The following SMIM36 variants were observed in gnomAD, a reference collection of about 807,000 sequenced individuals.
SMIM36 encodes the protein small integral membrane protein 36.
At chr17:55,482,587 A>G (rs886793521) in intron 1 of SMIM36, among the ~76,000 whole-genome samples, 10 of 152,238 alleles carry the variant, frequency 6.6e-5, no homozygotes, top group African/African-American at 1.9e-4. Context: ...TGTGTCTTCA[A>G]TAGCACCTGG....
At chr17:55,459,180 C>T (rs1909090696) in intron 4 of SMIM36, among the ~76,000 whole-genome samples, 1 of 152,208 alleles carries the variant, frequency 6.6e-6, no homozygotes, top group South Asian at 2.1e-4. Flanking sequence ...GCCCCACCCC[C>T]ATCACACGCC....
At chr17:55,451,746 A>C (rs1908921868) in intron 4 of SMIM36, among the ~76,000 whole-genome samples, 1 of 152,148 alleles carries the variant, frequency 6.6e-6, no homozygotes, top group African/African-American at 2.4e-5. Flanking sequence ...AAAAGATTTA[A>C]GACTCTTTCT....
At chr17:55,455,547 T>C (rs916797948) in intron 4 of SMIM36, among the ~76,000 whole-genome samples, 1 of 152,162 alleles carries the variant, frequency 6.6e-6, no homozygotes, top group African/African-American at 2.4e-5. Context: ...CTCAGCAACT[T>C]GGGAGGCCAA....
intron 4 of SMIM36, among the ~76,000 whole-genome samples, chr17:55,451,889 G>C (rs536467997): frequency 2.6e-5 from 4 of 152,154 alleles, no homozygotes; most frequent in African/African-American, 9.6e-5. Flanking sequence ...TTGAGGCCAG[G>C]AGTTCGAGAC....
At chr17:55,512,903 T>C (rs1331534945), upstream of SMIM36, among the ~76,000 whole-genome samples, 1 of 152,250 alleles carries the variant, frequency 6.6e-6, no homozygotes, top group African/African-American at 2.4e-5. Context: ...AGTGTCTTCC[T>C]GTCAGCCTCC....
chr17:55,466,392 G>C (rs1461650601), intron 4 of SMIM36, among the ~76,000 whole-genome samples: 3 of 151,968 alleles, frequency 2.0e-5, no homozygotes, highest in African/African-American at 7.3e-5. Flanking sequence ...TGAGAAGTTA[G>C]GGCCAGCGTA....
intron 1 of SMIM36, among the ~76,000 whole-genome samples, chr17:55,498,133 T>A (rs888344920): frequency 6.6e-6 from 1 of 152,194 alleles, no homozygotes; most frequent in Non-Finnish European, 1.5e-5. Flanking sequence ...CCATTCTTCA[T>A]ATGCATGTAT....
intron 2 of SMIM36, among the ~76,000 whole-genome samples, chr17:55,479,150 A>G (rs1232651120): frequency 1.3e-5 from 2 of 152,222 alleles, no homozygotes; most frequent in Non-Finnish European, 2.9e-5. Flanking sequence ...TGGTGTATGC[A>G]AAGTGTCTAG....
At chr17:55,507,742 G>GA (rs1159058317) in intron 1 of SMIM36, among the ~76,000 whole-genome samples, 6 of 147,262 alleles carry the variant, frequency 4.1e-5, no homozygotes, top group African/African-American at 7.5e-5. Flanking sequence ...AAAAAAAAAA[G>GA]AAAAAAAAAG....
rs1567871097 is a variant in SMIM36, at chr17:55,501,340, T to TATATTCTATAATAGATAATATATA, written c.*174+9538_*174+9539insTATATATTATCTATTATAGAATAT. 2.2e-3 allele frequency among the ~76,000 whole-genome samples: 109 copies of TATATTCTATAATAGATAATATATA among 50,322 alleles called. 12 individuals are homozygous for TATATTCTATAATAGATAATATATA. Among genetic ancestry groups the TATATTCTATAATAGATAATATATA allele is most frequent in the African/African-American group, 6.8e-3 (106 of 15,496 alleles). 33.0% of individuals were successfully genotyped at this position (50,322 alleles called of 152,430 possible). ...TTATATTTTATAATATATAATATATTATATATTATATTTTATAATATATAA... is the reference window on the plus strand; with the variant it reads ...TTATATTTTATAATATATAATATATTATATTCTATAATAGATAATATATAATATATTATATTTTATAATATATAA... On this transcript the variant is annotated intron_variant, in intron 1 of 4. Coordinates refer to ENST00000636752, the Ensembl canonical transcript of SMIM36.
upstream of SMIM36, among the ~76,000 whole-genome samples, chr17:55,513,863 T>C (rs905280233): frequency 6.6e-6 from 1 of 152,240 alleles, no homozygotes; most frequent in Non-Finnish European, 1.5e-5. Context: ...TAATCATTAA[T>C]CATGGTGAGT....
At chr17:55,462,413 C>A (rs1305840683) in intron 4 of SMIM36, among the ~76,000 whole-genome samples, 1 of 152,068 alleles carries the variant, frequency 6.6e-6, no homozygotes. Flanking sequence ...GAATTCAAGA[C>A]CAGCCTTAGC....
intron 4 of SMIM36, among the ~76,000 whole-genome samples, chr17:55,463,276 G>A (rs974418381): frequency 7.9e-5 from 12 of 152,004 alleles, no homozygotes; most frequent in African/African-American, 2.7e-4. Context: ...TAATAAGGCC[G>A]GACACGGTGG....
At chr17:55,512,111 TGTGGGTCAAAAAA>T (rs1910191876), upstream of SMIM36, among the ~76,000 whole-genome samples, 1 of 152,162 alleles carries the variant, frequency 6.6e-6, no homozygotes, top group African/African-American at 2.4e-5. Flanking sequence ...CGTGTCCCAG[TGTGGGTCAAAAAA>T]GCTTCCATGC....
intron 1 of SMIM36, among the ~76,000 whole-genome samples, chr17:55,509,208 C>G (rs1352099508): frequency 2.0e-5 from 3 of 152,304 alleles, no homozygotes; most frequent in South Asian, 4.1e-4. Context: ...CCCTCCTCTT[C>G]AGTTTTCTAC....
chr17:55,499,666 A>T (rs1322886063), intron 1 of SMIM36, among the ~76,000 whole-genome samples: 1 of 152,186 alleles, frequency 6.6e-6, no homozygotes, highest in Non-Finnish European at 1.5e-5. Flanking sequence ...TTGCTTTAAT[A>T]CAAATGTGCA....
intron 4 of SMIM36, among the ~76,000 whole-genome samples, chr17:55,455,476 G>A (rs570526686): frequency 2.0e-5 from 3 of 151,144 alleles, no homozygotes; most frequent in South Asian, 2.1e-4. Flanking sequence ...TTAGCCTTCC[G>A]TAATCGCTTA....
upstream of SMIM36, among the ~76,000 whole-genome samples, chr17:55,512,681 T>C (rs1288304699): frequency 6.6e-6 from 1 of 152,272 alleles, no homozygotes; most frequent in African/African-American, 2.4e-5. Context: ...TTTAATGCTC[T>C]GCTGTTGCCA....
chr17:55,489,568 C>A (rs1035691828), intron 1 of SMIM36, among the ~76,000 whole-genome samples: 4 of 152,174 alleles, frequency 2.6e-5, no homozygotes, highest in African/African-American at 7.2e-5. Flanking sequence ...TTTTAAACTA[C>A]AAAAGAGATC....
Sources: gnomAD v4.1 joint callset for allele counts (sites outside exome capture counted in the v4.1 genomes callset) on GRCh38, gnomAD v4.1.1 for gene constraint, MANE v1.5 for transcripts, NCBI Gene and HGNC (gene_info 2026-07-23, HGNC 2026-07-21) for gene names.